Variants in ABCG5 observed in about 807,000 individuals in gnomAD.
The protein encoded by ABCG5 is ATP-binding cassette sub-family G member 5.
A neutral mutation model predicts 64.5 loss-of-function variants in ABCG5; 64 were observed. The ratio of observed to expected loss-of-function variants is 0.99; its 90% CI spans 0.81 to 1.22. The LOEUF is 1.22. ABCG5 is among the 50% of genes most tolerant of loss of function. The pLI is 0.00. For synonymous variants in ABCG5, 385 were observed against 326.3 expected (o/e 1.18, Z -1.94); for missense variants, 908 against 829.5 (o/e 1.09, Z -1.16).
Position 43,831,930 on chromosome 2 carries a change from G to A in ABCG5, c.402+17C>T. 1 of 1,548,336 alleles carries A rather than the reference G, an allele frequency of 6.5e-7. No individual in the cohort carries two copies. The highest frequency in any genetic ancestry group is 8.7e-7 in the Non-Finnish European group (1 of 1,146,818). On this transcript the variant is annotated intron_variant, in intron 3 of 12. Coordinates refer to ENST00000405322, the MANE Select transcript of ABCG5 (RefSeq NM_022436.3). ...CGGGGCGGGCGGGGGGGCCAGGGGT[G>A]TGGGGGACGCGCCCACCTGCAGGAC...
In ABCG5 at chr2:43,824,003, G is replaced by A; in HGVS notation, c.1234C>T (p.Leu412=). 6.2e-7 allele frequency: 1 copy of A among 1,614,184 alleles called. No homozygotes were observed. Among genetic ancestry groups the A allele is most frequent in the Non-Finnish European group, 8.5e-7 (1 of 1,180,046 alleles). ...ACGCGGTCCTGGATAGCACCCTTTAGCACATTGCTTCGGACCCGCAGAACG... is the reference window on the plus strand; with the variant it reads ...ACGCGGTCCTGGATAGCACCCTTTAACACATTGCTTCGGACCCGCAGAACG... ...FFVLRVRSNV[L]KGAIQDRVGL... The change falls in exon 9 of 13, where the codon CTA becomes TTA. Residue 412 remains leucine, a synonymous_variant. Coordinates refer to ENST00000405322, the MANE Select transcript of ABCG5 (RefSeq NM_022436.3).
rs766545187 is a variant in ABCG5, at chr2:43,837,918, G to C, written c.181C>G (p.Arg61Gly). Residue 61 changes from arginine (R) to glycine (G), a missense_variant, in exon 2 of 13, where the codon CGG becomes GGG. Coordinates refer to ENST00000405322, the MANE Select transcript of ABCG5 (RefSeq NM_022436.3). ...AGGATCTGCCTGGTCCACTGCTGCC[G>C]GCAAGATGTGATGTCCCACCAGGGC... Reference protein sequence around the residue: ...VRPWWDITSCRQQWTRQILKD... With the variant: ...VRPWWDITSCGQQWTRQILKD... 1 of 1,613,982 alleles carries C rather than the reference G, an allele frequency of 6.2e-7. No individual in the cohort carries two copies.
intron 2 of ABCG5, among the ~76,000 whole-genome samples, chr2:43,834,194 T>C (rs1668120153): frequency 6.6e-6 from 1 of 152,254 alleles, no homozygotes; most frequent in African/African-American, 2.4e-5. Context: ...TCTTTCAAAA[T>C]GTGCCCTGTA....
At position 43,836,440 on chromosome 2, in the gene ABCG5, G is replaced by C. The variant is rs116057552; in HGVS notation, c.265+1394C>G. On this transcript the variant is annotated intron_variant, in intron 2 of 12. Coordinates refer to ENST00000405322, the MANE Select transcript of ABCG5 (RefSeq NM_022436.3). ...GGCAGTGAATGTCAACAATTTGCAA[G>C]CAATAGCTCAATCAAGAGGCTTCTG... Among the ~76,000 whole-genome samples the C allele has an allele frequency of 6.2e-3, 950 of 152,290 alleles. 13 individuals are homozygous for C. The highest frequency in any genetic ancestry group is 0.022 in the African/African-American group (898 of 41,554).
At chr2:43,820,620 G>C (rs1209737140) in intron 10 of ABCG5, among the ~76,000 whole-genome samples, 1 of 152,002 alleles carries the variant, frequency 6.6e-6, no homozygotes, top group African/African-American at 2.4e-5. Flanking sequence ...TTCCATTCTT[G>C]TCTTTTATTC....
chr2:43,819,097 G>A (rs765448843), intron 11 of ABCG5, among the ~76,000 whole-genome samples: 1 of 152,122 alleles, frequency 6.6e-6, no homozygotes, highest in African/African-American at 2.4e-5. Flanking sequence ...CTTTTATATA[G>A]TAGATGCTCA....
intron 4 of ABCG5, among the ~76,000 whole-genome samples, chr2:43,828,861 A>G (rs1354748941): frequency 1.4e-5 from 2 of 144,872 alleles, no homozygotes; most frequent in African/African-American, 5.2e-5. Context: ...AGCTACTCGG[A>G]GGCTAAGGCA....
downstream of ABCG5, among the ~76,000 whole-genome samples, chr2:43,810,994 C>T (rs1666461891): frequency 6.6e-6 from 1 of 152,214 alleles, no homozygotes; most frequent in Non-Finnish European, 1.5e-5. Context: ...TTCTAAGGTG[C>T]TATCACTAAC....
intron 11 of ABCG5, among the ~76,000 whole-genome samples, chr2:43,815,210 C>T (rs972268819): frequency 6.6e-6 from 1 of 152,184 alleles, no homozygotes; most frequent in Non-Finnish European, 1.5e-5. Flanking sequence ...AAATATGTCT[C>T]CTCTCCAATC....
At chr2:43,823,058 C>T (rs1426513020) in intron 9 of ABCG5, 123 bp from the exon 10 acceptor site, 1 of 1,373,744 alleles carries the variant, frequency 7.3e-7, no homozygotes, top group Non-Finnish European at 1.0e-6. Flanking sequence ...GGGGGGTTCC[C>T]TAGTCATAGA....
rs1229923300 is a variant in ABCG5 at position 43,826,520 on chromosome 2, C to T, written c.636G>A (p.Lys212=). ...SIAAQLLQDP[K]VMLFDEPTTG... ...TGGTTGGCTCATCAAACAGCATGAC[C>T]TCTGCCAGCAAAGAAGGGCCAGACT... Residue 212 remains lysine (K), a splice_region_variant and synonymous_variant, in exon 6 of 13, where the codon AAG becomes AAA. Transcript: ENST00000405322. 11 of 1,614,088 alleles carry T rather than the reference C, an allele frequency of 6.8e-6. No individual in the cohort carries two copies. The highest frequency in any genetic ancestry group is 3.3e-5 in the Admixed American group (2 of 60,000).
At chr2:43,829,979 A>C (rs560578167) in intron 4 of ABCG5, among the ~76,000 whole-genome samples, 28 of 152,342 alleles carry the variant, frequency 1.8e-4, no homozygotes, top group Middle Eastern at 6.8e-3. Context: ...TTCTGGAACA[A>C]AAGAAAGCTC....
chr2:43,813,230 T>C lies in ABCG5; in HGVS notation c.1842A>G (p.Pro614=). ...QGIQFIEKTC[P]GATSRFTMNF... is the part of the protein sequence containing the mutation. ...TCATTGTGAATCTAGATGTTGCACC[T>C]GGGCAGGTTTTCTCAATGAATTGAA... The change falls in exon 13 of 13, where the codon CCA becomes CCG. Residue 614 remains proline, a synonymous_variant. Transcript: ENST00000405322. The C allele has an allele frequency of 6.2e-7, 1 of 1,613,704 alleles. No individual in the cohort carries two copies. The highest frequency in any genetic ancestry group is 2.2e-5 in the East Asian group (1 of 44,876).
chr2:43,829,480 G>A (rs946001318), intron 4 of ABCG5, among the ~76,000 whole-genome samples: 14 of 152,108 alleles, frequency 9.2e-5, no homozygotes, highest in Middle Eastern at 3.2e-3. Context: ...CCCTGAAACC[G>A]TTTTTCCTCC....
chr2:43,823,537 T>C (rs1667386628), intron 9 of ABCG5, among the ~76,000 whole-genome samples: 1 of 152,132 alleles, frequency 6.6e-6, no homozygotes, highest in South Asian at 2.1e-4. Flanking sequence ...CTGGCTGTCC[T>C]AAAATCAGCT....
intron 12 of ABCG5, 21 bp downstream of exon 12, chr2:43,814,456 A>G: frequency 6.7e-7 from 1 of 1,487,852 alleles, no homozygotes; most frequent in Non-Finnish European, 9.4e-7. Context: ...CAAAAATAAT[A>G]TCCCCAAATA....
chr2:43,829,448 G>A (rs776014878), intron 4 of ABCG5, among the ~76,000 whole-genome samples: 14 of 151,936 alleles, frequency 9.2e-5, no homozygotes, highest in South Asian at 4.2e-4. Flanking sequence ...AATTCTCTTC[G>A]CTGTACTTAA....
chr2:43,838,614 C>T lies in ABCG5; in HGVS notation c.66G>A (p.Gln22=). The T allele has an allele frequency of 6.2e-7, 1 of 1,612,706 alleles. No homozygotes were observed. The highest frequency in any genetic ancestry group is 8.5e-7 in the Non-Finnish European group (1 of 1,179,706). ...TGGCAGGAGCCCCCTCCAGGGAGCT[C>T]TGGGAGCCTCTGTTTACTTGGAGAC... The part of the protein sequence containing the change: ...SMGLQVNRGS[Q]SSLEGAPATA... The change falls in exon 1 of 13, where the codon CAG becomes CAA. Residue 22 remains glutamine (Q), a synonymous_variant. Coordinates refer to ENST00000405322, the MANE Select transcript of ABCG5 (RefSeq NM_022436.3). The surrounding 1 kb of genome is among the most constrained non-coding windows in gnomAD (Gnocchi z 4.2).
downstream of ABCG5, among the ~76,000 whole-genome samples, chr2:43,808,964 T>TACACACACACACACAC (rs56090427): frequency 4.8e-5 from 7 of 145,466 alleles, no homozygotes; most frequent in African/African-American, 1.8e-4. Context: ...GGACAAAGGA[T>TACACACACACACACAC]ACACACACAC....
Sources: gnomAD v4.1 joint callset for allele counts (sites outside exome capture counted in the v4.1 genomes callset) on GRCh38, gnomAD v4.1.1 for gene constraint, Gnocchi (gnomAD v3.1) non-coding constraint, MANE v1.5 for transcripts, NCBI Gene and HGNC (gene_info 2026-07-23, HGNC 2026-07-21) for gene names.